The following FRMD4A variants were observed in gnomAD, a reference collection of about 807,000 sequenced individuals.
FRMD4A encodes FERM domain-containing protein 4A.
In FRMD4A, 29 loss-of-function variants were observed where a neutral mutation model predicts 129.1. That is an observed-to-expected ratio of 0.22 (90% CI 0.17 to 0.31). The LOEUF is 0.31. FRMD4A is among the 10% of genes least tolerant of loss of function. FRMD4A has a pLI of 1.00. For missense variants in FRMD4A, 1,272 were observed against 1,375.8 expected, an observed-to-expected ratio of 0.92 and a Z score of 1.19; for synonymous variants, 634 against 571.6, an observed-to-expected ratio of 1.11 and a Z score of -1.56.
chr10:13,701,240 G>T, intron 14 of FRMD4A, 100 bp downstream of exon 14: 1 of 1,092,036 alleles, frequency 9.2e-7, no homozygotes. Flanking sequence ...GTATGGACCC[G>T]GGCAAGGGAC....
intron 3 of FRMD4A, among the ~76,000 whole-genome samples, chr10:13,831,325 G>C (rs1242046751): frequency 6.6e-6 from 1 of 152,192 alleles, no homozygotes; most frequent in African/African-American, 2.4e-5. Flanking sequence ...GTGTATACCT[G>C]AGGTCTCAGC....
chr10:13,928,253 C>T (rs546897432), intron 2 of FRMD4A, among the ~76,000 whole-genome samples: 1 of 152,180 alleles, frequency 6.6e-6, no homozygotes, highest in African/African-American at 2.4e-5. Context: ...AACTCCCGGG[C>T]TCAAGCAATC....
At chr10:14,160,951 G>C (rs560205478) in intron 2 of FRMD4A, among the ~76,000 whole-genome samples, 1 of 152,162 alleles carries the variant, frequency 6.6e-6, no homozygotes, top group South Asian at 2.1e-4. Context: ...AAAACTGCAT[G>C]AAGATTTTTT....
At chr10:14,052,795 C>G (rs1164406650) in intron 2 of FRMD4A, among the ~76,000 whole-genome samples, 1 of 152,030 alleles carries the variant, frequency 6.6e-6, no homozygotes, top group Non-Finnish European at 1.5e-5. Flanking sequence ...AACTCCTGAC[C>G]TCAAGTGATC....
chr10:13,694,117 C>T, intron 14 of FRMD4A, 78 bp from the exon 15 acceptor site: 1 of 1,240,800 alleles, frequency 8.1e-7, no homozygotes, highest in Admixed American at 2.7e-5. Context: ...CCCGCGCCTG[C>T]TCACCGTCTT....
At chr10:13,955,306 C>T (rs975863129) in intron 2 of FRMD4A, among the ~76,000 whole-genome samples, 1 of 152,044 alleles carries the variant, frequency 6.6e-6, no homozygotes, top group South Asian at 2.1e-4. Context: ...CGGGGTTTCG[C>T]CATGTTGGCC....
chr10:14,054,467 A>T (rs948170427), intron 2 of FRMD4A, among the ~76,000 whole-genome samples: 1 of 152,206 alleles, frequency 6.6e-6, no homozygotes, highest in Non-Finnish European at 1.5e-5. Context: ...AAAAGTTTTC[A>T]TATGGCTAAA....
intron 23 of FRMD4A, among the ~76,000 whole-genome samples, chr10:13,653,603 T>TC (rs2081870613): frequency 6.6e-6 from 1 of 152,160 alleles, no homozygotes; most frequent in Admixed American, 6.5e-5. Context: ...TTCCCAGACA[T>TC]CCCCCTGATG....
intron 9 of FRMD4A, among the ~76,000 whole-genome samples, chr10:13,741,858 G>GT (rs1372735871): frequency 1.3e-5 from 2 of 152,064 alleles, no homozygotes; most frequent in African/African-American, 4.8e-5. Flanking sequence ...AATCTTAGGT[G>GT]TTTTTGTTTT....
At chr10:14,009,908 G>A (rs769485489) in intron 2 of FRMD4A, among the ~76,000 whole-genome samples, 12 of 152,088 alleles carry the variant, frequency 7.9e-5, no homozygotes, top group Non-Finnish European at 1.6e-4. Context: ...CTTGCTTCTT[G>A]CCTGCACTGC....
At chr10:14,310,351 T>C (rs959970882) in intron 2 of FRMD4A, among the ~76,000 whole-genome samples, 1 of 152,258 alleles carries the variant, frequency 6.6e-6, no homozygotes, top group African/African-American at 2.4e-5. Flanking sequence ...AAAGAAATTA[T>C]TTAGGCAGAC....
chr10:13,869,911 G>A (rs2094420339), intron 2 of FRMD4A, among the ~76,000 whole-genome samples: 1 of 152,192 alleles, frequency 6.6e-6, no homozygotes, highest in Non-Finnish European at 1.5e-5. Context: ...ATCCAAGCCT[G>A]GAAACACGGA....
At chr10:13,725,672 T>C (rs1447994799) in intron 12 of FRMD4A, among the ~76,000 whole-genome samples, 4 of 152,314 alleles carry the variant, frequency 2.6e-5, no homozygotes, top group African/African-American at 9.6e-5. Context: ...AGTCTCGGGA[T>C]GGCCTTCCCA....
intron 2 of FRMD4A, among the ~76,000 whole-genome samples, chr10:14,252,045 T>C (rs1844458851): frequency 6.6e-6 from 1 of 152,236 alleles, no homozygotes; most frequent in Non-Finnish European, 1.5e-5. Flanking sequence ...ATATATTTTA[T>C]TTGAACAAAC....
rs190223117 is a variant in FRMD4A at position 13,807,383 on chromosome 10, T to A, written c.206+3431A>T. Reference sequence around the variant, plus strand: ...TAATATAATGCCAATGTTCATTTCTTAGTTTTGATGAAAGTCACGTCGTTT... The same window carrying A: ...TAATATAATGCCAATGTTCATTTCTAAGTTTTGATGAAAGTCACGTCGTTT... On this transcript the variant is annotated intron_variant, in intron 4 of 24. Coordinates refer to ENST00000357447, the MANE Select transcript of FRMD4A (RefSeq NM_018027.5). Among the ~76,000 whole-genome samples, 177 of 152,352 alleles carry A rather than the reference T, an allele frequency of 1.2e-3. 1 individual carries two copies. The highest frequency in any genetic ancestry group is 3.7e-3 in the African/African-American group (152 of 41,576).
chr10:13,797,584 C>T (rs74121694), intron 4 of FRMD4A, among the ~76,000 whole-genome samples: 4,850 of 152,256 alleles, frequency 0.032, 237 homozygotes, highest in African/African-American at 0.11. Flanking sequence ...AGCCATGGAA[C>T]AACCAAGCTG....
chr10:14,215,277 A>C (rs984085702), intron 2 of FRMD4A, among the ~76,000 whole-genome samples: 2 of 152,206 alleles, frequency 1.3e-5, no homozygotes, highest in Non-Finnish European at 2.9e-5. Context: ...AAAATAATTA[A>C]AGCCATCAAT....
intron 2 of FRMD4A, among the ~76,000 whole-genome samples, chr10:14,185,743 A>G (rs1422611462): frequency 1.3e-5 from 2 of 152,232 alleles, no homozygotes; most frequent in South Asian, 2.1e-4. Context: ...TGGCAACAGC[A>G]GTAGACCAGG....
intron 2 of FRMD4A, among the ~76,000 whole-genome samples, chr10:13,887,130 A>T (rs751498): frequency 1.1e-4 from 16 of 151,900 alleles, no homozygotes; most frequent in African/African-American, 2.9e-4. Context: ...AGAGCCTACA[A>T]GGAACTTCTC....
Sources: gnomAD v4.1 joint callset for allele counts (sites outside exome capture counted in the v4.1 genomes callset) on GRCh38, gnomAD v4.1.1 for gene constraint, MANE v1.5 for transcripts, NCBI Gene and HGNC (gene_info 2026-07-23, HGNC 2026-07-21) for gene names.